Variants in PINX1 observed in about 807,000 individuals in gnomAD.
The protein encoded by PINX1 is PIN2 (TERF1) interacting telomerase inhibitor 1.
PINX1 carries 34 observed loss-of-function variants against 25.4 expected under a neutral mutation model. The ratio of observed to expected loss-of-function variants is 1.34; its 90% CI spans 1.02 to 1.78. The LOEUF (loss-of-function observed/expected upper bound fraction) is 1.78, where lower values mean the gene tolerates loss of function less well. PINX1 is among the 40% of genes most tolerant of loss of function. PINX1 has a pLI of 0.00. For missense variants in PINX1, 592 were observed against 404.9 expected (o/e 1.46, Z -3.97); for synonymous variants, 197 against 147.7 (o/e 1.33, Z -2.42).
intron 6 of PINX1, among the ~76,000 whole-genome samples, chr8:10,787,186 A>ATACACACATACACATATTTTATG (rs1228866762): frequency 2.0e-5 from 3 of 151,814 alleles, no homozygotes; most frequent in Non-Finnish European, 4.4e-5. Context: ...TTACATATAT[A>ATACACACATACACATATTTTATG]TACACACATA....
intron 4 of PINX1, among the ~76,000 whole-genome samples, chr8:10,829,072 G>T (rs1201774552): frequency 6.6e-6 from 1 of 152,164 alleles, no homozygotes; most frequent in Non-Finnish European, 1.5e-5. Context: ...TGGATCACAA[G>T]GTCAGGAGTT....
chr8:10,775,886 A>G (rs1283073491), intron 6 of PINX1, among the ~76,000 whole-genome samples: 2 of 152,140 alleles, frequency 1.3e-5, no homozygotes, highest in Non-Finnish European at 2.9e-5. Context: ...TCTTAAACAG[A>G]AGGCCAATCT....
At chr8:10,783,095 T>C (rs533542635) in intron 6 of PINX1, among the ~76,000 whole-genome samples, 2 of 152,282 alleles carry the variant, frequency 1.3e-5, no homozygotes, top group African/African-American at 2.4e-5. Context: ...TATCAACCAA[T>C]TGTTACGTGT....
chr8:10,829,947 G>C (rs1438907667), intron 4 of PINX1, among the ~76,000 whole-genome samples: 12 of 152,166 alleles, frequency 7.9e-5, no homozygotes, highest in Admixed American at 7.2e-4. Flanking sequence ...GCCTCCCAAA[G>C]TGCTGGTATT....
At chr8:10,790,877 C>T (rs987751999) in intron 6 of PINX1, among the ~76,000 whole-genome samples, 2 of 152,120 alleles carry the variant, frequency 1.3e-5, no homozygotes, top group African/African-American at 4.8e-5. Context: ...CTGCAGATGT[C>T]TAATGGGGGC....
At chr8:10,794,890 T>C (rs1164872791) in intron 6 of PINX1, among the ~76,000 whole-genome samples, 1 of 152,190 alleles carries the variant, frequency 6.6e-6, no homozygotes, top group Admixed American at 6.5e-5. Flanking sequence ...GAAAGACCAT[T>C]TATCTACTGT....
intron 5 of PINX1, among the ~76,000 whole-genome samples, chr8:10,824,104 A>G (rs1797962848): frequency 6.6e-6 from 1 of 152,216 alleles, no homozygotes; most frequent in Non-Finnish European, 1.5e-5. Context: ...GTTCCATGAA[A>G]TGGGTCATTT....
At chr8:10,815,539 T>G (rs1425889360) in intron 6 of PINX1, among the ~76,000 whole-genome samples, 2 of 152,224 alleles carry the variant, frequency 1.3e-5, no homozygotes, top group Non-Finnish European at 2.9e-5. Context: ...TCTTAGATTT[T>G]AAAGCTTCTT....
At chr8:10,838,849 C>G (rs1288817507) in intron 1 of PINX1, among the ~76,000 whole-genome samples, 2 of 152,154 alleles carry the variant, frequency 1.3e-5, no homozygotes, top group Non-Finnish European at 2.9e-5. Flanking sequence ...CAATTTCTGC[C>G]CCTGTAAAAT....
intron 6 of PINX1, among the ~76,000 whole-genome samples, chr8:10,781,033 A>G (rs1170266307): frequency 2.6e-5 from 4 of 152,210 alleles, no homozygotes; most frequent in African/African-American, 9.6e-5. Flanking sequence ...AGGTTAGAGA[A>G]CTGAAATAAA....
At chr8:10,817,244 C>G (rs777176462) in intron 6 of PINX1, among the ~76,000 whole-genome samples, 30 of 152,176 alleles carry the variant, frequency 2.0e-4, no homozygotes, top group Admixed American at 1.9e-3. Flanking sequence ...TCCAGCAACA[C>G]CTTGGCCTCT....
intron 6 of PINX1, among the ~76,000 whole-genome samples, chr8:10,800,059 C>T (rs565834085): frequency 1.3e-5 from 2 of 152,308 alleles, no homozygotes; most frequent in East Asian, 3.9e-4. Context: ...TCTACTACAC[C>T]ACACCATTCT....
At chr8:10,836,994 T>C (rs1225902767) in intron 1 of PINX1, among the ~76,000 whole-genome samples, 1 of 152,194 alleles carries the variant, frequency 6.6e-6, no homozygotes, top group African/African-American at 2.4e-5. Context: ...TGCCACAGTC[T>C]GTTCTGTGCT....
Position 10,839,845 on chromosome 8 carries a change from G to T in PINX1, c.-89C>A, listed in dbSNP as rs887125141. On this transcript the variant is annotated 5_prime_UTR_variant, in exon 1 of 7. Transcript: ENST00000314787. ...AGACTCCAGGAGAATCAGGACGTGC[G>T]TAACTCCCTCGCCGGCGGACTGCAG... 26 of 1,300,244 alleles carry T rather than the reference G, an allele frequency of 2.0e-5. No homozygotes were observed. The South Asian group carries it at 2.9e-4, about 15-fold the overall frequency. The allele number at this position is 1,300,244 out of a possible 1,614,324, so 80.5% of individuals were successfully genotyped here.
At chr8:10,819,355 T>G (rs969206289) in intron 6 of PINX1, among the ~76,000 whole-genome samples, 2 of 152,234 alleles carry the variant, frequency 1.3e-5, no homozygotes, top group Admixed American at 1.3e-4. Context: ...TTTTGTTCTA[T>G]GGTCACCAAG....
At position 10,804,658 on chromosome 8, in the gene PINX1, G is replaced by T. The variant is rs1000307312; in HGVS notation, c.471+15535C>A. ...AGGATTACAATTTAGGGGTCATAATGATTAGGAATGGTTTCATCGGAAGGA... is the reference window on the plus strand; with the variant it reads ...AGGATTACAATTTAGGGGTCATAATTATTAGGAATGGTTTCATCGGAAGGA... On this transcript the variant is annotated intron_variant, in intron 6 of 6. Transcript: ENST00000314787. Among the ~76,000 whole-genome samples the T allele has an allele frequency of 4.3e-4, 65 of 151,890 alleles. 1 individual carries two copies. The highest frequency in any genetic ancestry group is 3.4e-3 in the Admixed American group (52 of 15,256).
chr8:10,822,451 G>A (rs1451917189), intron 5 of PINX1, among the ~76,000 whole-genome samples: 1 of 152,208 alleles, frequency 6.6e-6, no homozygotes, highest in Non-Finnish European at 1.5e-5. Context: ...AGTCTTCAAT[G>A]CGTAACATTT....
chr8:10,810,632 T>A (rs1414875431), intron 6 of PINX1, among the ~76,000 whole-genome samples: 1 of 152,152 alleles, frequency 6.6e-6, no homozygotes, highest in African/African-American at 2.4e-5. Flanking sequence ...CCCAGTCTCC[T>A]AAGGGAAGGC....
At position 10,794,704 on chromosome 8, in the gene PINX1, G is replaced by C. The variant is rs146810230; in HGVS notation, c.471+25489C>G. ...AGGCTTCCCAAAGTGCTGGGATTAC[G>C]GGCATGAGCCACTGCGCTCAGCTGC... is the stretch of plus-strand genomic sequence containing the variant. On this transcript the variant is annotated intron_variant, in intron 6 of 6. Coordinates refer to ENST00000314787, the MANE Select transcript of PINX1 (RefSeq NM_017884.6). Among the ~76,000 whole-genome samples the C allele has an allele frequency of 3.3e-5, 5 of 152,260 alleles. No individual in the cohort carries two copies. In the South Asian group the frequency reaches 6.2e-4, roughly 19 times the overall value.
Sources: gnomAD v4.1 joint callset for allele counts (sites outside exome capture counted in the v4.1 genomes callset) on GRCh38, gnomAD v4.1.1 for gene constraint, MANE v1.5 for transcripts, NCBI Gene and HGNC (gene_info 2026-07-23, HGNC 2026-07-21) for gene names.